Variants in PLAA observed in about 807,000 individuals in gnomAD.
The protein encoded by PLAA is phospholipase A-2-activating protein.
Under a neutral mutation model 84.1 loss-of-function variants are expected in PLAA, and 48 were observed. The ratio of observed to expected loss-of-function variants is 0.57; its 90% CI spans 0.45 to 0.73. The LOEUF (loss-of-function observed/expected upper bound fraction) is 0.73. PLAA is among the 30% of genes least tolerant of loss of function. The pLI is 0.00. For missense variants in PLAA, 903 were observed against 954.7 expected (o/e 0.95, Z 0.71); for synonymous variants, 392 against 336.6 (o/e 1.16, Z -1.80).
chr9:26,947,083 T>G lies in PLAA; in HGVS notation c.-38A>C, dbSNP rs1307261141. 1 of 1,494,622 alleles carries G rather than the reference T, an allele frequency of 6.7e-7. No individual in the cohort carries two copies. Among genetic ancestry groups the G allele is most frequent in the South Asian group, 1.3e-5 (1 of 76,392 alleles). 92.6% of individuals were successfully genotyped at this position (1,494,622 alleles called of 1,614,324 possible). On this transcript the variant is annotated 5_prime_UTR_variant, in exon 1 of 14. Transcript: ENST00000397292. ...TCTGGCGCCCGGTGCCCAGGCACTG[T>G]GCGAGACCAGTCCGCAGGGGCGACT...
At position 26,930,091 on chromosome 9, in the gene PLAA, C is replaced by CTTA. The variant is rs201461032; in HGVS notation, c.344-1686_344-1684dup. Among the ~76,000 whole-genome samples, 1,239 of 149,582 alleles carry CTTA rather than the reference C, an allele frequency of 8.3e-3. 18 individuals are homozygous for CTTA. The highest frequency in any genetic ancestry group is 0.028 in the African/African-American group (1,130 of 40,578). ...GGCACATGCTTTTAAAAGCCAGTGC[C>CTTA]TTATTATTATTATTATTTTTTTTTT... is the stretch of plus-strand genomic sequence containing the variant. On this transcript the variant is annotated intron_variant, in intron 2 of 13. Coordinates refer to ENST00000397292, the MANE Select transcript of PLAA (RefSeq NM_001031689.3).
chr9:26,925,791 T>C (rs77170629), intron 6 of PLAA, 34 bp downstream of exon 6: 2 of 1,603,184 alleles, frequency 1.2e-6, no homozygotes, highest in East Asian at 2.2e-5. Context: ...GGCCTAGACA[T>C]ATAACATTTA....
rs1379606653 is a variant in PLAA, at chr9:26,907,569, CAAAG to C, written c.1822+261_1822+264del. The C allele has an allele frequency of 6.1e-5, 22 of 360,292 alleles. No homozygotes were observed. The East Asian group carries it at 7.5e-4, about 12-fold the overall frequency. The allele number at this position is 360,292 out of a possible 1,614,324, so 22.3% of individuals were successfully genotyped here. On this transcript the variant is annotated intron_variant, in intron 13 of 13. Coordinates refer to ENST00000397292, the MANE Select transcript of PLAA (RefSeq NM_001031689.3). ...ACAAAAACAAAACAAAACAAAAAAA[CAAAG>C]AAAACAAACAACAACAACAAAAAAA...
chr9:26,928,757 G>T (rs1430307651), intron 2 of PLAA, among the ~76,000 whole-genome samples: 1 of 152,210 alleles, frequency 6.6e-6, no homozygotes, highest in Non-Finnish European at 1.5e-5. Context: ...AAATGATTTT[G>T]AAACACTGTT....
intron 1 of PLAA, among the ~76,000 whole-genome samples, chr9:26,937,480 A>G (rs1825397280): frequency 6.6e-6 from 1 of 152,196 alleles, no homozygotes; most frequent in South Asian, 2.1e-4. Flanking sequence ...ACTTTCAACC[A>G]CAACAAAAAA....
At chr9:26,926,693 T>C (rs533512455) in intron 4 of PLAA, 133 bp from the exon 5 acceptor site, 1 of 643,308 alleles carries the variant, frequency 1.6e-6, no homozygotes, top group South Asian at 3.8e-5. Context: ...ATCTTTTTTT[T>C]TGTTGAAAGC....
chr9:26,943,036 C>G (rs1825589481), intron 1 of PLAA, among the ~76,000 whole-genome samples: 1 of 152,056 alleles, frequency 6.6e-6, no homozygotes, highest in Admixed American at 6.5e-5. Flanking sequence ...GATCCTATAT[C>G]TGAAGATGTG....
At chr9:26,915,560 A>T in intron 10 of PLAA, 1 of 405,392 alleles carries the variant, frequency 2.5e-6, no homozygotes, top group Non-Finnish European at 3.3e-6. Flanking sequence ...ACCGTGGCTT[A>T]AATATACTCC....
intron 6 of PLAA, among the ~76,000 whole-genome samples, chr9:26,925,334 C>T (rs1824908534): frequency 6.6e-6 from 1 of 152,240 alleles, no homozygotes; most frequent in Admixed American, 6.5e-5. Flanking sequence ...ACTAAAGGTT[C>T]TCCACAGTTA....
chr9:26,946,928 C>G lies in PLAA; in HGVS notation c.118G>C (p.Asp40His), dbSNP rs1825747329. The change falls in exon 1 of 14, where the codon GAC becomes CAC. Residue 40 changes from aspartate to histidine, a missense_variant. Asp to His is a moderately conservative substitution (Grantham distance 81). Transcript: ENST00000397292. ...PPGAFVSVSRDRTTRLWAPDS... is the reference protein window; with the variant it reads ...PPGAFVSVSRHRTTRLWAPDS... ...GGGGCCCAGAGGCGGGTGGTGCGGTCTCGGGACACGGACACAAAGGCTCCC... is the reference window on the plus strand; with the variant it reads ...GGGGCCCAGAGGCGGGTGGTGCGGTGTCGGGACACGGACACAAAGGCTCCC... The G allele has an allele frequency of 1.3e-6, 2 of 1,579,756 alleles. No homozygotes were observed. The highest frequency in any genetic ancestry group is 2.3e-5 in the East Asian group (1 of 43,026).
chr9:26,940,825 T>C (rs1412662102), intron 1 of PLAA, among the ~76,000 whole-genome samples: 1 of 152,226 alleles, frequency 6.6e-6, no homozygotes, highest in Non-Finnish European at 1.5e-5. Flanking sequence ...TAGTAACCAA[T>C]TTCAACTTGT....
In PLAA at chr9:26,904,616, C is replaced by T. The variant is rs1824172414; in HGVS notation, c.*895G>A. On this transcript the variant is annotated 3_prime_UTR_variant, in exon 14 of 14. Coordinates refer to ENST00000397292, the MANE Select transcript of PLAA (RefSeq NM_001031689.3). ...TTTTAAGGATTAAATATCAGTGTGT[C>T]TACTATTCTGCCTGGACCACATAGA... 1 of 152,036 alleles carries T rather than the reference C, an allele frequency of 6.6e-6. No individual in the cohort carries two copies. Among genetic ancestry groups the T allele is most frequent in the Non-Finnish European group, 1.5e-5 (1 of 67,984 alleles). The allele number at this position is 152,036 out of a possible 1,614,324, so 9.4% of individuals were successfully genotyped here. A position where few individuals can be genotyped will look rare whatever the true frequency, so the allele number is the denominator to read the frequency against.
In PLAA at chr9:26,928,344, T is replaced by A. The variant is rs780498801; in HGVS notation, c.408A>T (p.Lys136Asn). The A allele has an allele frequency of 1.2e-6, 2 of 1,614,204 alleles. No homozygotes were observed. The highest frequency in any genetic ancestry group is 1.7e-6 in the Non-Finnish European group (2 of 1,180,008). The change falls in exon 3 of 14, where the codon AAA (lysine) becomes AAT (asparagine). Residue 136 changes from lysine (K) to asparagine (N), a missense_variant. By Grantham distance (94) the Lys-to-Asn change is moderately conservative. Transcript: ENST00000397292. The stretch of plus-strand genomic sequence containing the variant: ...TCATGCACTTGTCATTCAGCCAGAC[T>A]TTAGCAGTGGTGTCCCATGAACCAC... ...LLSGSWDTTA[K>N]VWLNDKCMMT...
At position 26,911,519 on chromosome 9, in the gene PLAA, C is replaced by T. The variant is rs148668957; in HGVS notation, c.1556-1080G>A. ...GGTTGGGCTGGTCTCGAACTCCTGA[C>T]TCAGGTGATCCGCTCACCTCAGCCT... On this transcript the variant is annotated intron_variant, in intron 11 of 13. Coordinates refer to ENST00000397292, the MANE Select transcript of PLAA (RefSeq NM_001031689.3). Among the ~76,000 whole-genome samples the T allele has an allele frequency of 2.5e-3, 381 of 152,240 alleles. 2 individuals are homozygous for T. Among genetic ancestry groups the T allele is most frequent in the African/African-American group, 8.9e-3 (369 of 41,536 alleles).
At chr9:26,937,746 T>C (rs1825407488) in intron 1 of PLAA, among the ~76,000 whole-genome samples, 1 of 151,902 alleles carries the variant, frequency 6.6e-6, no homozygotes, top group Admixed American at 6.6e-5. Flanking sequence ...ATGAAAGGTA[T>C]GATAACTGAA....
Position 26,907,945 on chromosome 9 carries a change from C to T in PLAA, c.1711G>A (p.Asp571Asn). Residue 571 changes from aspartate to asparagine, a missense_variant, in exon 13 of 14, where the codon GAT (aspartate) becomes AAT (asparagine). Asp to Asn is a conservative substitution (Grantham distance 23, BLOSUM62 1). Coordinates refer to ENST00000397292, the MANE Select transcript of PLAA (RefSeq NM_001031689.3). ...ATCTTCTCAAGAAGTATCAAGTCAT[C>T]CTCAGTTAACTTCTTCTCTTCAGGT... ...TAPEEKKLTEDDLILLEKILS... is the reference protein window; with the variant it reads ...TAPEEKKLTENDLILLEKILS... 6.2e-7 allele frequency: 1 copy of T among 1,610,038 alleles called. No homozygotes were observed. The highest frequency in any genetic ancestry group is 8.5e-7 in the Non-Finnish European group (1 of 1,178,972).
intron 1 of PLAA, among the ~76,000 whole-genome samples, chr9:26,945,768 C>T (rs930709384): frequency 2.6e-5 from 4 of 152,214 alleles, no homozygotes; most frequent in East Asian, 1.9e-4. Flanking sequence ...TTTGCTCCTC[C>T]AGCTGCCTGG....
At chr9:26,927,564 A>T (rs1313293202) in intron 4 of PLAA, among the ~76,000 whole-genome samples, 1 of 152,208 alleles carries the variant, frequency 6.6e-6, no homozygotes, top group Non-Finnish European at 1.5e-5. Context: ...AAATAAATCA[A>T]TGATATTACT....
chr9:26,924,843 A>T (rs553228598), intron 6 of PLAA, among the ~76,000 whole-genome samples: 1 of 152,194 alleles, frequency 6.6e-6, no homozygotes, highest in East Asian at 1.9e-4. Flanking sequence ...TGCTTTTGGA[A>T]GCTTTGCGAA....
Sources: allele counts gnomAD v4.1 joint callset (sites outside exome capture counted in the v4.1 genomes callset), GRCh38; gene constraint gnomAD v4.1.1; transcripts MANE v1.5; gene names NCBI Gene and HGNC (gene_info 2026-07-23, HGNC 2026-07-21).